Variants in FCHO2 observed in about 807,000 individuals in gnomAD.
FCHO2 encodes F-BAR domain only protein 2.
Under a neutral mutation model 114.1 loss-of-function variants are expected in FCHO2, and 43 were observed. That is an observed-to-expected ratio of 0.38 (90% confidence interval 0.30 to 0.49). FCHO2 has a LOEUF of 0.49. FCHO2 is among the 20% of genes least tolerant of loss of function. The probability of loss-of-function intolerance (pLI) is 0.97; values close to 1 mark genes in which losing one functional copy is unlikely to be tolerated. For missense variants in FCHO2, 807 were observed against 950.4 expected (o/e 0.85, Z 1.98); for synonymous variants, 293 against 315.2 (o/e 0.93, Z 0.75).
chr5:72,964,956 T>C (rs1752110608), intron 1 of FCHO2, among the ~76,000 whole-genome samples: 2 of 151,966 alleles, frequency 1.3e-5, no homozygotes, highest in African/African-American at 4.8e-5. Flanking sequence ...CCATAGTATA[T>C]ACCCTTCCTG....
chr5:73,032,544 G>A (rs952620687), intron 8 of FCHO2, among the ~76,000 whole-genome samples: 10 of 152,018 alleles, frequency 6.6e-5, no homozygotes, highest in African/African-American at 2.4e-4. Context: ...TGTCTTTACT[G>A]TTTTCACATG....
intron 5 of FCHO2, chr5:72,997,790 C>T: frequency 2.4e-6 from 3 of 1,265,022 alleles, no homozygotes; most frequent in Non-Finnish European, 3.1e-6. Context: ...GCCCTACACT[C>T]CACTTGGAGT....
At chr5:73,005,410 A>G (rs1754662077) in intron 5 of FCHO2, among the ~76,000 whole-genome samples, 1 of 152,086 alleles carries the variant, frequency 6.6e-6, no homozygotes, top group Non-Finnish European at 1.5e-5. Flanking sequence ...ATCCTCCACA[A>G]TTATGGTTTG....
rs1449758663 is a variant in FCHO2 at position 73,054,034 on chromosome 5, AGT to A, written c.1174-123_1174-122del. Reference sequence around the variant, plus strand: ...TTTGCTTAACTTTTTCCCACCTGACAGTGTATGTGTTTTAAGGTGTATATAGT... The same window carrying A: ...TTTGCTTAACTTTTTCCCACCTGACAGTATGTGTTTTAAGGTGTATATAGT... On this transcript the variant is annotated intron_variant, in intron 13 of 25. Coordinates refer to ENST00000430046, the MANE Select transcript of FCHO2 (RefSeq NM_138782.3). The A allele has an allele frequency of 1.9e-5, 10 of 537,494 alleles. 1 individual carries two copies. The highest frequency in any genetic ancestry group is 3.0e-4 in the Middle Eastern group (1 of 3,388). 33.3% of individuals were successfully genotyped at this position (537,494 alleles called of 1,614,324 possible).
intron 25 of FCHO2, 43 bp downstream of exon 25, chr5:73,087,796 A>G (rs776494731): frequency 6.5e-7 from 1 of 1,528,048 alleles, no homozygotes; most frequent in South Asian, 1.3e-5. Context: ...CATGGGAAAC[A>G]TTTGTATTCT....
chr5:73,037,904 GC>G, intron 10 of FCHO2: 1 of 306,498 alleles, frequency 3.3e-6, no homozygotes, highest in Non-Finnish European at 6.5e-6. Flanking sequence ...GAATTACGGC[GC>G]CCACCACCAC....
At chr5:73,047,708 A>G (rs1170584936) in intron 11 of FCHO2, among the ~76,000 whole-genome samples, 1 of 152,144 alleles carries the variant, frequency 6.6e-6, no homozygotes. Context: ...TAACCCACAC[A>G]TATCCTTTAA....
intron 18 of FCHO2, among the ~76,000 whole-genome samples, chr5:73,068,284 A>G (rs1442565588): frequency 6.6e-6 from 1 of 152,020 alleles, no homozygotes; most frequent in Non-Finnish European, 1.5e-5. Flanking sequence ...AAGGGTGTAG[A>G]GAAATAATTT....
Position 72,974,340 on chromosome 5 carries a change from G to C in FCHO2, c.125+5751G>C, listed in dbSNP as rs941506168. Among the ~76,000 whole-genome samples, 315 of 141,272 alleles carry C rather than the reference G, an allele frequency of 2.2e-3. 8 individuals carry two copies. The highest frequency in any genetic ancestry group is 0.021 in the Middle Eastern group (6 of 288). The allele number at this position is 141,272 out of a possible 152,430, so 92.7% of individuals were successfully genotyped here. ...CCATTATTAATGTGTGGGAGTCTAA[G>C]TCTCTTTGTAGGTCACTCAGGACTT... On this transcript the variant is annotated intron_variant, in intron 2 of 25. Transcript: ENST00000430046.
chr5:73,037,727 A>C, intron 10 of FCHO2: 1 of 389,586 alleles, frequency 2.6e-6, no homozygotes, highest in Non-Finnish European at 4.9e-6. Flanking sequence ...TTTAGATGGA[A>C]TATTTGGTCC....
At chr5:73,010,713 C>T (rs900542009) in intron 6 of FCHO2, among the ~76,000 whole-genome samples, 2 of 151,704 alleles carry the variant, frequency 1.3e-5, no homozygotes, top group Non-Finnish European at 2.9e-5. Context: ...CCTGTCTCTA[C>T]TAAAAATACA....
At chr5:73,043,282 T>A (rs478575) in intron 11 of FCHO2, among the ~76,000 whole-genome samples, 1 of 151,858 alleles carries the variant, frequency 6.6e-6, no homozygotes, top group Non-Finnish European at 1.5e-5. Flanking sequence ...AAATTGATAC[T>A]GTCTGTCTTG....
Position 73,056,121 on chromosome 5 carries a change from T to A in FCHO2, c.1253+14T>A. ...TCCACCCAATGAGTAAGTTTCCATGTTTAATTTTGTTAAAAAATAGACTTT... is the reference window on the plus strand; with the variant it reads ...TCCACCCAATGAGTAAGTTTCCATGATTAATTTTGTTAAAAAATAGACTTT... On this transcript the variant is annotated intron_variant, in intron 16 of 25. Coordinates refer to ENST00000430046, the MANE Select transcript of FCHO2 (RefSeq NM_138782.3). 6.6e-7 allele frequency: 1 copy of A among 1,521,072 alleles called. No individual in the cohort carries two copies. The allele number at this position is 1,521,072 out of a possible 1,614,324, so 94.2% of individuals were successfully genotyped here.
intron 2 of FCHO2, among the ~76,000 whole-genome samples, chr5:72,979,409 T>TTTTTTG (rs1233299675): frequency 8.0e-6 from 1 of 125,768 alleles, no homozygotes; most frequent in African/African-American, 3.0e-5. Flanking sequence ...TTTTTTTTTT[T>TTTTTTG]GAGACGGAGT....
At chr5:72,962,616 C>T (rs1397808179) in intron 1 of FCHO2, among the ~76,000 whole-genome samples, 4 of 152,150 alleles carry the variant, frequency 2.6e-5, no homozygotes, top group East Asian at 3.9e-4. Context: ...AGAGTTGGGG[C>T]AGGTGCAGTG....
chr5:73,081,379 C>T (rs1743084433), intron 22 of FCHO2, among the ~76,000 whole-genome samples: 1 of 152,054 alleles, frequency 6.6e-6, no homozygotes, highest in African/African-American at 2.4e-5. Flanking sequence ...CCTTTTTTCT[C>T]GTGTTCTAAA....
intron 11 of FCHO2, among the ~76,000 whole-genome samples, chr5:73,046,570 T>C (rs1757070725): frequency 6.6e-6 from 1 of 152,208 alleles, no homozygotes; most frequent in Admixed American, 6.5e-5. Context: ...GGAGACTAAA[T>C]ACCTGGTGTG....
At chr5:73,058,288 G>C in intron 16 of FCHO2, 145 bp from the exon 17 acceptor site, 1 of 499,146 alleles carries the variant, frequency 2.0e-6, no homozygotes, top group Admixed American at 3.2e-5. Flanking sequence ...TGGGATTACA[G>C]GTGTGAGCCA....
At chr5:73,084,422 C>T (rs936125361) in intron 24 of FCHO2, among the ~76,000 whole-genome samples, 5 of 152,056 alleles carry the variant, frequency 3.3e-5, no homozygotes, top group South Asian at 2.1e-4. Flanking sequence ...CCTACCACCA[C>T]ATCCAGCTAA....
Sources: gnomAD v4.1 joint callset for allele counts (sites outside exome capture counted in the v4.1 genomes callset) on GRCh38, gnomAD v4.1.1 for gene constraint, MANE v1.5 for transcripts, NCBI Gene and HGNC (gene_info 2026-07-23, HGNC 2026-07-21) for gene names.